BRD1: variants seen among roughly 807,000 people sequenced by gnomAD.
BRD1 encodes bromodomain-containing protein 1.
Under a neutral mutation model 107.7 loss-of-function variants are expected in BRD1, and 24 were observed. That is an observed-to-expected ratio of 0.22 (90% CI 0.16 to 0.31). BRD1 has a LOEUF of 0.31. Ranked by LOEUF, BRD1 falls within the 10% of genes least tolerant of loss-of-function variation. BRD1 has a pLI of 1.00. For synonymous variants in BRD1, 744 were observed against 686.1 expected (o/e 1.08, Z -1.32); for missense variants, 1,279 against 1,638.6 (o/e 0.78, Z 3.79).
intron 2 of BRD1, among the ~76,000 whole-genome samples, chr22:49,819,485 C>T (rs1369457609): frequency 1.3e-5 from 2 of 151,830 alleles, no homozygotes; most frequent in East Asian, 2.0e-4. Context: ...CCCAGGAGGT[C>T]GAGGCTGTAG....
chr22:49,809,747 GTGACCAAATTCCAAA>G (rs2147258835), intron 2 of BRD1, among the ~76,000 whole-genome samples: 2 of 152,240 alleles, frequency 1.3e-5, no homozygotes, highest in South Asian at 4.1e-4. Context: ...ATCGAAGGAA[GTGACCAAATTCCAAA>G]TGCGTACACA....
chr22:49,778,850 A>G (rs1393669095), intron 8 of BRD1, among the ~76,000 whole-genome samples: 1 of 151,826 alleles, frequency 6.6e-6, no homozygotes, highest in African/African-American at 2.4e-5. Context: ...TTTAGTAGAG[A>G]CGGAGTTTCA....
Position 49,822,984 on chromosome 22 carries a change from G to A in BRD1, c.1334C>T (p.Pro445Leu), listed in dbSNP as rs780204227. 11 of 1,614,088 alleles carry A rather than the reference G, an allele frequency of 6.8e-6. No individual in the cohort carries two copies. Among genetic ancestry groups the A allele is most frequent in the African/African-American group, 2.7e-5 (2 of 74,922 alleles). ...KALAEPCAVL[P>L]TVCAPYIPPQ... ...GGGAATATAAGGAGCGCACACGGTC[G>A]GCAGGACCGCGCAGGGCTCAGCCAG... The change falls in exon 2 of 13, where the codon CCG (proline) becomes CTG (leucine). Residue 445 changes from proline (P) to leucine (L), a missense_variant. This residue lies in a region of BRD1 where 87 missense variants were observed against 77.1 expected (regional missense o/e 1.13). Transcript: ENST00000404760.
intron 2 of BRD1, among the ~76,000 whole-genome samples, chr22:49,821,922 T>G (rs2060074837): frequency 6.6e-6 from 1 of 152,154 alleles, no homozygotes. Context: ...TGCTCACAGC[T>G]CCTCCCCTTG....
Position 49,823,209 on chromosome 22 carries a change from A to G in BRD1, c.1109T>C (p.Leu370Pro). The stretch of plus-strand genomic sequence containing the variant: ...GGAGAAGGTGGTGCCACCGCCAGTC[A>G]GTTCCTTCACGGGCTCCATTTTCAT... ...LYMKMEPVKE[L>P]TGGGTTFSVR... The change falls in exon 2 of 13, where the codon CTG (leucine) becomes CCG (proline). Residue 370 changes from leucine (L) to proline (P), a missense_variant. This residue lies in a region of BRD1 where 158 missense variants were observed against 310.2 expected (regional missense o/e 0.51). Coordinates refer to ENST00000404760, the MANE Select transcript of BRD1 (RefSeq NM_001304808.3). 1 of 1,614,228 alleles carries G rather than the reference A, an allele frequency of 6.2e-7. No homozygotes were observed. The highest frequency in any genetic ancestry group is 8.5e-7 in the Non-Finnish European group (1 of 1,180,038).
In BRD1 at chr22:49,824,281, C is replaced by T. The variant is rs1479967915; in HGVS notation, c.37G>A (p.Ala13Thr). 1 of 1,613,978 alleles carries T rather than the reference C, an allele frequency of 6.2e-7. No individual in the cohort carries two copies. The highest frequency in any genetic ancestry group is 8.5e-7 in the Non-Finnish European group (1 of 1,179,998). Residue 13 changes from alanine to threonine, a missense_variant, in exon 2 of 13, where the codon GCG (alanine) becomes ACG (threonine). By Grantham distance (58) the Ala-to-Thr change is moderately conservative. Around this residue, in one of 7 missense-constraint regions of BRD1, gnomAD observed 223 missense variants for 263.5 expected, o/e 0.85. Transcript: ENST00000404760. This position sits in a 1 kb window ranked among gnomAD's most constrained non-coding sequence, Gnocchi z 5.9. ...RKGRCHRGSA[A>T]RHPSSPCSVK... ...CTGCATGGGGAAGAAGGATGCCTCG[C>T]TGCAGAGCCTCGATGACATCGTCCT...
chr22:49,800,201 G>A (rs950790354), intron 3 of BRD1, among the ~76,000 whole-genome samples: 5 of 152,262 alleles, frequency 3.3e-5, no homozygotes, highest in Non-Finnish European at 7.4e-5. Flanking sequence ...AAGATGCAAG[G>A]ACCCCGGACT....
At position 49,794,165 on chromosome 22, in the gene BRD1, A is replaced by G. The variant is rs774006938; in HGVS notation, c.2228T>C (p.Leu743Pro). 1.9e-5 allele frequency: 30 copies of G among 1,614,216 alleles called. No individual in the cohort carries two copies. Among genetic ancestry groups the G allele is most frequent in the Non-Finnish European group, 2.5e-5 (29 of 1,180,044 alleles). ...GAGAAGGGCAATTTCCTTTTTGAGC[A>G]GCTTTGCCCGCTTGCTCCGGGAGCC... ...SSGSRSKRAK[L>P]LKKEIALLRN... Residue 743 changes from leucine (L) to proline (P), a missense_variant, in exon 7 of 13, where the codon CTG (leucine) becomes CCG (proline). By Grantham distance (98) the Leu-to-Pro change is moderately conservative. This residue lies in a region of BRD1 where 406 missense variants were observed against 519.4 expected (regional missense o/e 0.78). Coordinates refer to ENST00000404760, the MANE Select transcript of BRD1 (RefSeq NM_001304808.3).
intron 5 of BRD1, 120 bp from the exon 6 acceptor site, chr22:49,798,237 C>G: frequency 8.5e-6 from 9 of 1,059,522 alleles, no homozygotes; most frequent in Admixed American, 2.5e-5. Context: ...CACAGACACG[C>G]AGACGGTACA....
intron 8 of BRD1, among the ~76,000 whole-genome samples, chr22:49,780,574 C>T (rs1235868896): frequency 2.0e-5 from 3 of 152,250 alleles, no homozygotes; most frequent in Admixed American, 1.3e-4. Flanking sequence ...GACACAGACA[C>T]ATCCCGGGAG....
chr22:49,793,974 C>T, intron 7 of BRD1, 60 bp downstream of exon 7: 1 of 1,564,142 alleles, frequency 6.4e-7, no homozygotes, highest in Non-Finnish European at 8.6e-7. Flanking sequence ...TGTGCCTGTG[C>T]CTGTGCCTGA....
intron 3 of BRD1, among the ~76,000 whole-genome samples, chr22:49,801,724 A>AC (rs1026584570): frequency 6.6e-5 from 10 of 152,224 alleles, no homozygotes; most frequent in Admixed American, 3.3e-4. Context: ...TATTCTGCAC[A>AC]CAACAGGACG....
rs938107699 is a variant in BRD1, at chr22:49,822,824, A to ATAT, written c.1367+124_1367+126dup. 5 of 1,084,226 alleles carry ATAT rather than the reference A, an allele frequency of 4.6e-6. No homozygotes were observed. In the African/African-American group the frequency reaches 7.9e-5, roughly 17 times the overall value. The allele number at this position is 1,084,226 out of a possible 1,614,324, so 67.2% of individuals were successfully genotyped here. On this transcript the variant is annotated intron_variant, in intron 2 of 12. Coordinates refer to ENST00000404760, the MANE Select transcript of BRD1 (RefSeq NM_001304808.3). ...ACAAGCAGAACCACACTTCAGGGGA[A>ATAT]TATTAGGAAGCTGCGCCAACTAGAA...
At chr22:49,812,104 C>CT (rs374572699) in intron 2 of BRD1, among the ~76,000 whole-genome samples, 23,412 of 123,444 alleles carry the variant, frequency 0.19, 2,458 homozygotes, top group African/African-American at 0.26. Flanking sequence ...CAGTCTGCTC[C>CT]TTTTTTTTTT....
chr22:49,787,676 G>A lies in BRD1; in HGVS notation c.2571C>T (p.Ala857=). Residue 857 remains alanine, a synonymous_variant, in exon 8 of 13, where the codon GCC becomes GCT. Transcript: ENST00000404760. Reference sequence around the variant, plus strand: ...CCGCCGCCGGCACATCGCCACTACTGGCGCGGGTGGGCTCTGGAGGGCGTC... The same window carrying A: ...CCGCCGCCGGCACATCGCCACTACTAGCGCGGGTGGGCTCTGGAGGGCGTC... ...VSGRPPEPTR[A]SSGDVPAAAA... 6.4e-7 allele frequency: 1 copy of A among 1,550,658 alleles called. No homozygotes were observed. Among genetic ancestry groups the A allele is most frequent in the Non-Finnish European group, 8.7e-7 (1 of 1,146,988 alleles).
intron 2 of BRD1, chr22:49,806,392 C>T (rs1445744950): frequency 6.6e-6 from 1 of 152,138 alleles, no homozygotes; most frequent in East Asian, 1.9e-4. Flanking sequence ...GCGTCTGTGA[C>T]CCCAACTACT....
At chr22:49,790,558 T>G (rs1036027534) in intron 7 of BRD1, among the ~76,000 whole-genome samples, 1 of 152,182 alleles carries the variant, frequency 6.6e-6, no homozygotes, top group African/African-American at 2.4e-5. Context: ...TCTAAGAAAC[T>G]AAAACCTAGT....
Position 49,777,753 on chromosome 22 carries a change from C to T in BRD1, c.2918G>A (p.Arg973Lys). Residue 973 changes from arginine to lysine, a missense_variant, in exon 9 of 13, where the codon AGG becomes AAG. By Grantham distance (26) the Arg-to-Lys change is conservative. This residue lies in a region of BRD1 where 263 missense variants were observed against 251.6 expected (regional missense o/e 1.05). Coordinates refer to ENST00000404760, the MANE Select transcript of BRD1 (RefSeq NM_001304808.3). ...SEQEPGGGLG[R>K]KATPRRRCAS... ...ACAGCGTCGTCGGGGTGTGGCCTTCCTCCCCAGGCCGCCGCCCGGCTCCTG... is the reference window on the plus strand; with the variant it reads ...ACAGCGTCGTCGGGGTGTGGCCTTCTTCCCCAGGCCGCCGCCCGGCTCCTG... The T allele has an allele frequency of 6.2e-7, 1 of 1,606,136 alleles. No individual in the cohort carries two copies. Among genetic ancestry groups the T allele is most frequent in the Non-Finnish European group, 8.5e-7 (1 of 1,177,860 alleles).
At chr22:49,786,896 C>T (rs1485842943) in intron 8 of BRD1, among the ~76,000 whole-genome samples, 1 of 150,718 alleles carries the variant, frequency 6.6e-6, no homozygotes, top group Non-Finnish European at 1.5e-5. Flanking sequence ...AGTTCAAGAC[C>T]AGCCGGGACA....
Sources: allele counts gnomAD v4.1 joint callset (sites outside exome capture counted in the v4.1 genomes callset), GRCh38; gene constraint gnomAD v4.1.1; regional missense constraint gnomAD v4.1.1; non-coding constraint Gnocchi (gnomAD v3.1); transcripts MANE v1.5; gene names NCBI Gene and HGNC (gene_info 2026-07-23, HGNC 2026-07-21).